NPIPB12: variants seen among roughly 807,000 people sequenced by gnomAD.
The protein encoded by NPIPB12 is nuclear pore complex interacting protein family member B12.
intron 4 of NPIPB12, among the ~76,000 whole-genome samples, chr16:29,490,707 G>T: frequency 2.3e-5 from 1 of 42,566 alleles, no homozygotes; most frequent in Admixed American, 2.2e-4. Flanking sequence ...TCTAGCCTGG[G>T]TGACAGAGTG....
intron 2 of NPIPB12, among the ~76,000 whole-genome samples, chr16:29,492,777 A>G (rs1010915699): frequency 7.4e-6 from 1 of 136,038 alleles, no homozygotes; most frequent in Non-Finnish European, 1.6e-5. Context: ...CTGGTGACAG[A>G]GTGAGACTCC....
At chr16:29,504,751 CTTTTAT>C (rs1965220546) in intron 2 of NPIPB12, among the ~76,000 whole-genome samples, 1 of 30,396 alleles carries the variant, frequency 3.3e-5, no homozygotes, top group African/African-American at 1.2e-4. Context: ...GTGGTTAACT[CTTTTAT>C]TCAAAGTTAT....
chr16:29,498,034 T>TGGCCGGA (rs1965155794), intron 1 of NPIPB12, among the ~76,000 whole-genome samples: 1 of 64,024 alleles, frequency 1.6e-5, no homozygotes, highest in Non-Finnish European at 3.3e-5. Flanking sequence ...GGCACGGTGG[T>TGGCCGGA]TCACGCCTGT....
At chr16:29,501,273 T>C (rs1965190678), upstream of NPIPB12, among the ~76,000 whole-genome samples, 1 of 50,086 alleles carries the variant, frequency 2.0e-5, no homozygotes, top group Admixed American at 2.0e-4. Context: ...AGGTCAGGAG[T>C]TCCAGACCAG....
At chr16:29,490,376 A>G (rs1283645204) in intron 4 of NPIPB12, among the ~76,000 whole-genome samples, 1 of 119,356 alleles carries the variant, frequency 8.4e-6, no homozygotes, top group Non-Finnish European at 1.7e-5. Flanking sequence ...TGAGGTAGGC[A>G]GATCACCTGA....
intron 2 of NPIPB12, among the ~76,000 whole-genome samples, chr16:29,504,672 A>G (rs868560544): frequency 8.9e-4 from 23 of 25,940 alleles, no homozygotes; most frequent in Non-Finnish European, 1.4e-3. Flanking sequence ...TTTGTAGACT[A>G]AACAGAGCAT....
intron 2 of NPIPB12, among the ~76,000 whole-genome samples, chr16:29,504,556 GTATC>G (rs1266747497): frequency 2.7e-5 from 4 of 147,632 alleles, no homozygotes; most frequent in Non-Finnish European, 3.0e-5. Context: ...GTGTGTGTGT[GTATC>G]TATATAAATC....
chr16:29,505,278 AGAT>A (rs1965224857), intron 2 of NPIPB12, among the ~76,000 whole-genome samples, 192 bp downstream of exon 2: 1 of 54,186 alleles, frequency 1.8e-5, no homozygotes, highest in Admixed American at 2.0e-4. Context: ...TTCTGACAGA[AGAT>A]AGTGGTTTTC....
intron 2 of NPIPB12, among the ~76,000 whole-genome samples, chr16:29,495,138 C>A (rs1965122126): frequency 7.2e-6 from 1 of 138,850 alleles, no homozygotes; most frequent in Admixed American, 7.3e-5. Context: ...AGCTTTCCTT[C>A]CACCCATACG....
chr16:29,504,366 C>T (rs1965208837), upstream of NPIPB12, among the ~76,000 whole-genome samples: 2 of 80,740 alleles, frequency 2.5e-5, no homozygotes, highest in Non-Finnish European at 5.0e-5. Context: ...ATTAGCTGGG[C>T]ATGGTGGCAC....
At chr16:29,504,689 CAAAT>C (rs1283485540) in intron 2 of NPIPB12, among the ~76,000 whole-genome samples, 1 of 27,748 alleles carries the variant, frequency 3.6e-5, no homozygotes. Context: ...GCATTCAAAA[CAAAT>C]GAAGGAGAAT....
upstream of NPIPB12, among the ~76,000 whole-genome samples, chr16:29,502,157 T>C (rs1457927871): frequency 0.011 from 8 of 730 alleles, no homozygotes; most frequent in South Asian, 0.17. Context: ...GGAGGCATGG[T>C]CAGGCACCTT....
chr16:29,484,962 G>C, downstream of NPIPB12: 1 of 115,170 alleles, frequency 8.7e-6, no homozygotes. Flanking sequence ...AAGGTGTCTT[G>C]AGATTATCAT....
chr16:29,495,079 G>A (rs1567292202), intron 2 of NPIPB12, among the ~76,000 whole-genome samples: 1 of 119,700 alleles, frequency 8.4e-6, no homozygotes. Context: ...CTGTTAAGCT[G>A]TCTGTTGTCA....
chr16:29,504,523 T>C (rs1314196760), intron 2 of NPIPB12, among the ~76,000 whole-genome samples: 1 of 101,854 alleles, frequency 9.8e-6, no homozygotes, highest in African/African-American at 5.5e-5. Flanking sequence ...TATGTGTGTG[T>C]GTGTGTGTGT....
intron 1 of NPIPB12, among the ~76,000 whole-genome samples, chr16:29,498,298 C>CAAAA (rs200400124): frequency 7.4e-6 from 1 of 134,586 alleles, no homozygotes; most frequent in South Asian, 2.4e-4. Context: ...GAAACTGTCT[C>CAAAA]AAAATAAATA....
chr16:29,490,864 A>C (rs1596715595), intron 4 of NPIPB12, among the ~76,000 whole-genome samples: 1 of 77,784 alleles, frequency 1.3e-5, no homozygotes, highest in Non-Finnish European at 2.3e-5. Context: ...GCACCATAGC[A>C]CTCCAGCCTG....
chr16:29,504,402 G>A (rs1174379708), upstream of NPIPB12, among the ~76,000 whole-genome samples: 3 of 63,764 alleles, frequency 4.7e-5, no homozygotes, highest in East Asian at 2.1e-3. Flanking sequence ...GCTACTCAGA[G>A]GCTGAGGCAG....
intron 1 of NPIPB12, among the ~76,000 whole-genome samples, chr16:29,498,299 A>ATAAAT (rs1567292669): frequency 7.0e-6 from 1 of 141,938 alleles, no homozygotes; most frequent in Non-Finnish European, 1.5e-5. Context: ...AAACTGTCTC[A>ATAAAT]AAATAAATAA....
Sources: allele counts gnomAD v4.1 joint callset (sites outside exome capture counted in the v4.1 genomes callset), GRCh38; gene constraint gnomAD v4.1.1; transcripts MANE v1.5; gene names NCBI Gene and HGNC (gene_info 2026-07-23, HGNC 2026-07-21).